Variants in FRMPD1 observed in about 807,000 individuals in gnomAD.
The protein encoded by FRMPD1 is FERM and PDZ domain-containing protein 1.
FRMPD1 carries 76 observed loss-of-function variants against 117.8 expected under a neutral mutation model. The observed-to-expected ratio is 0.65, with a 90% confidence interval of 0.54 to 0.78. FRMPD1 has a LOEUF of 0.78. FRMPD1 is among the 30% of genes least tolerant of loss of function. FRMPD1 has a pLI of 0.00. For synonymous variants in FRMPD1, 783 were observed against 770.4 expected (o/e 1.02, Z -0.27); for missense variants, 1,786 against 1,964.5 (o/e 0.91, Z 1.72).
At chr9:37,738,868 A>T (rs1281392825) in intron 14 of FRMPD1, among the ~76,000 whole-genome samples, 4 of 152,162 alleles carry the variant, frequency 2.6e-5, no homozygotes, top group Non-Finnish European at 4.4e-5. Context: ...TTCAAGGCCG[A>T]GGGGGCCTGG....
At chr9:37,621,527 C>T in the FRMPD1 span, among the ~76,000 whole-genome samples, 1 of 152,142 alleles carries the variant, frequency 6.6e-6, no homozygotes, top group Non-Finnish European at 1.5e-5. Flanking sequence ...CTCACTTCAG[C>T]AGGACCACTC....
intron 2 of FRMPD1, among the ~76,000 whole-genome samples, chr9:37,702,425 G>A (rs183177506): frequency 6.6e-6 from 1 of 152,238 alleles, no homozygotes; most frequent in African/African-American, 2.4e-5. Flanking sequence ...TTTAAATAAA[G>A]GTTTGGATGC....
At chr9:37,691,939 C>T (rs1182558285) in intron 1 of FRMPD1, among the ~76,000 whole-genome samples, 1 of 151,854 alleles carries the variant, frequency 6.6e-6, no homozygotes, top group Non-Finnish European at 1.5e-5. Flanking sequence ...AAAAGAAACT[C>T]TGGAAGGACA....
the FRMPD1 span, among the ~76,000 whole-genome samples, chr9:37,610,095 A>G: frequency 2.6e-5 from 4 of 152,342 alleles, no homozygotes; most frequent in African/African-American, 7.2e-5. Flanking sequence ...AACATACTAC[A>G]TAGTTTTCTT....
the FRMPD1 span, among the ~76,000 whole-genome samples, chr9:37,638,028 CTCTT>C: frequency 1.9e-5 from 2 of 105,654 alleles, no homozygotes; most frequent in African/African-American, 3.9e-5. Flanking sequence ...TTCTTTCTCT[CTCTT>C]TCTTCCTTTC....
At chr9:37,704,586 A>G (rs1157101120) in intron 2 of FRMPD1, among the ~76,000 whole-genome samples, 11 of 151,998 alleles carry the variant, frequency 7.2e-5, no homozygotes. Flanking sequence ...TCAGAGCAAG[A>G]TTTAGTCTTT....
At chr9:37,637,638 C>G in the FRMPD1 span, among the ~76,000 whole-genome samples, 1 of 152,204 alleles carries the variant, frequency 6.6e-6, no homozygotes, top group East Asian at 1.9e-4. Context: ...GCTTTTGAGT[C>G]TGGCTTCTTT....
chr9:37,735,350 T>C (rs1824070616), intron 12 of FRMPD1, among the ~76,000 whole-genome samples: 2 of 152,148 alleles, frequency 1.3e-5, no homozygotes, highest in South Asian at 4.1e-4. Flanking sequence ...CAGGGCTATA[T>C]TGGAAAGAGT....
the FRMPD1 span, among the ~76,000 whole-genome samples, chr9:37,643,598 AAGTT>A: frequency 6.6e-6 from 1 of 152,188 alleles, no homozygotes; most frequent in South Asian, 2.1e-4. Flanking sequence ...TGATTTTAAA[AAGTT>A]AGTTTTTCTT....
At chr9:37,673,017 C>A (rs1201859970) in intron 1 of FRMPD1, among the ~76,000 whole-genome samples, 1 of 152,178 alleles carries the variant, frequency 6.6e-6, no homozygotes, top group Non-Finnish European at 1.5e-5. Context: ...CTCATATCCT[C>A]ACATTTCAAA....
intron 1 of FRMPD1, among the ~76,000 whole-genome samples, chr9:37,656,012 C>T (rs1820832953): frequency 6.6e-6 from 1 of 152,178 alleles, no homozygotes; most frequent in Admixed American, 6.5e-5. Context: ...ATGGAGAAGT[C>T]ATTACTGTCA....
intron 7 of FRMPD1, 47 bp downstream of exon 7, chr9:37,724,367 G>T (rs751923195): frequency 1.9e-6 from 2 of 1,026,842 alleles, no homozygotes; most frequent in East Asian, 4.8e-5. Context: ...GAATGTTCTG[G>T]CTGCTAGGAC....
intron 1 of FRMPD1, among the ~76,000 whole-genome samples, chr9:37,673,411 C>G (rs563031339): frequency 5.9e-5 from 9 of 152,342 alleles, no homozygotes; most frequent in Admixed American, 3.9e-4. Context: ...AGGGTACAGC[C>G]TCCCTCCCAG....
At chr9:37,683,402 C>T (rs2117946238) in intron 1 of FRMPD1, among the ~76,000 whole-genome samples, 1 of 152,362 alleles carries the variant, frequency 6.6e-6, no homozygotes, top group East Asian at 1.9e-4. Flanking sequence ...GTAAGCCTTA[C>T]ACCAACCCTG....
At chr9:37,665,016 A>G (rs928070648) in intron 1 of FRMPD1, among the ~76,000 whole-genome samples, 12 of 152,202 alleles carry the variant, frequency 7.9e-5, no homozygotes, top group Non-Finnish European at 1.6e-4. Context: ...CATATTTGTA[A>G]TACAGACATC....
intron 1 of FRMPD1, among the ~76,000 whole-genome samples, chr9:37,677,883 C>T (rs1821584256): frequency 6.6e-6 from 1 of 152,222 alleles, no homozygotes; most frequent in Non-Finnish European, 1.5e-5. Context: ...ATGTGTCTGA[C>T]TTCCCTGGTG....
the FRMPD1 span, among the ~76,000 whole-genome samples, chr9:37,620,422 T>C: frequency 6.6e-6 from 1 of 152,144 alleles, no homozygotes; most frequent in Admixed American, 6.5e-5. Context: ...ACAGGGCTGC[T>C]GTGAGAATTA....
At chr9:37,647,962 T>C (rs1176091521), upstream of FRMPD1, among the ~76,000 whole-genome samples, 3 of 152,238 alleles carry the variant, frequency 2.0e-5, no homozygotes, top group African/African-American at 7.2e-5. Context: ...CTGTGGAATC[T>C]TGGGTAAGCG....
chr9:37,746,611 G>A lies in FRMPD1; in HGVS notation c.4579G>A (p.Val1527Met). The A allele has an allele frequency of 6.2e-7, 1 of 1,614,070 alleles. No homozygotes were observed. Among genetic ancestry groups the A allele is most frequent in the South Asian group, 1.1e-5 (1 of 91,088 alleles). ...GGAGGCAGCGGGGAACCTGAGGGAT[G>A]TGGTGTACACCTACCATCAGTTTAT... ...HREAAGNLRD[V>M]VYTYHQFIEA... The change falls in exon 16 of 16, where the codon GTG (valine) becomes ATG (methionine). Residue 1527 changes from valine (V) to methionine (M), a missense_variant. Transcript: ENST00000377765.
Sources: gnomAD v4.1 joint callset for allele counts (sites outside exome capture counted in the v4.1 genomes callset) on GRCh38, gnomAD v4.1.1 for gene constraint, MANE v1.5 for transcripts, NCBI Gene and HGNC (gene_info 2026-07-23, HGNC 2026-07-21) for gene names.